Variants in ERBB4 observed in about 807,000 individuals in gnomAD.
The protein encoded by ERBB4 is receptor tyrosine-protein kinase erbB-4.
Under a neutral mutation model 158.0 loss-of-function variants are expected in ERBB4, and 42 were observed. The ratio of observed to expected loss-of-function variants is 0.27; its 90% confidence interval spans 0.21 to 0.34. The LOEUF (loss-of-function observed/expected upper bound fraction) is 0.34. Among genes scored for constraint, ERBB4 ranks in the 10% least tolerant of loss-of-function variants. The pLI, the probability that ERBB4 is intolerant of heterozygous loss-of-function variation, is 1.00. For missense variants in ERBB4, 1,333 were observed against 1,624.1 expected (o/e 0.82, Z 3.08); for synonymous variants, 583 against 558.7 (o/e 1.04, Z -0.61).
chr2:212,114,258 A>T (rs1482394646), intron 2 of ERBB4, among the ~76,000 whole-genome samples: 1 of 152,236 alleles, frequency 6.6e-6, no homozygotes, highest in Non-Finnish European at 1.5e-5. Context: ...TGAAGAAATT[A>T]TTTATGATGG....
At chr2:212,059,699 C>G (rs1442205163) in intron 2 of ERBB4, among the ~76,000 whole-genome samples, 1 of 152,150 alleles carries the variant, frequency 6.6e-6, no homozygotes, top group African/African-American at 2.4e-5. Context: ...GAGAAAGATT[C>G]CCTATTTAAT....
chr2:212,360,340 C>T (rs1379211723), intron 1 of ERBB4, among the ~76,000 whole-genome samples: 1 of 151,590 alleles, frequency 6.6e-6, no homozygotes, highest in Non-Finnish European at 1.5e-5. Flanking sequence ...TACTCCTTGC[C>T]CTTTCCCACA....
At chr2:212,062,594 AG>A (rs1445893792) in intron 2 of ERBB4, among the ~76,000 whole-genome samples, 2 of 151,874 alleles carry the variant, frequency 1.3e-5, no homozygotes, top group Non-Finnish European at 2.9e-5. Flanking sequence ...TTTAGTACAG[AG>A]GGGGTTTCAC....
chr2:212,342,186 A>T (rs1441274701), intron 1 of ERBB4, among the ~76,000 whole-genome samples: 1 of 152,164 alleles, frequency 6.6e-6, no homozygotes, highest in Admixed American at 6.5e-5. Context: ...TATATTAAAG[A>T]ATTAAGAACC....
At chr2:212,524,574 G>C (rs950923570) in intron 1 of ERBB4, among the ~76,000 whole-genome samples, 1 of 151,924 alleles carries the variant, frequency 6.6e-6, no homozygotes, top group African/African-American at 2.4e-5. Context: ...GAACACCCCT[G>C]TCCACATACT....
intron 4 of ERBB4, among the ~76,000 whole-genome samples, chr2:211,773,607 TATATATATA>T (rs2075773656): frequency 4.8e-5 from 1 of 20,954 alleles, no homozygotes; most frequent in African/African-American, 5.7e-4. Flanking sequence ...TTTATATATA[TATATATATA>T]TATATATATA....
At chr2:212,190,430 G>C (rs1044128572) in intron 1 of ERBB4, among the ~76,000 whole-genome samples, 2 of 151,928 alleles carry the variant, frequency 1.3e-5, no homozygotes, top group Non-Finnish European at 1.5e-5. Flanking sequence ...CCAGCTACTC[G>C]GGAGGCTGAG....
chr2:211,379,825 T>A lies in ERBB4; in HGVS notation c.*3790A>T, dbSNP rs2062544742. On this transcript the variant is annotated 3_prime_UTR_variant, in exon 28 of 28. Transcript: ENST00000342788. ...GGTTAGAGAGCTCTAGAAAAACTTG[T>A]ATTTACATCCTTCCCTGTCAGGCTT... 1 of 232,028 alleles carries A rather than the reference T, an allele frequency of 4.3e-6. No homozygotes were observed. Among genetic ancestry groups the A allele is most frequent in the South Asian group, 1.8e-4 (1 of 5,528 alleles). The allele number at this position is 232,028 out of a possible 1,614,324, so 14.4% of individuals were successfully genotyped here. A position where few individuals can be genotyped will look rare whatever the true frequency, so the allele number is the denominator to read the frequency against.
intron 1 of ERBB4, among the ~76,000 whole-genome samples, chr2:212,204,404 T>A (rs1390676077): frequency 6.6e-6 from 1 of 152,142 alleles, no homozygotes; most frequent in African/African-American, 2.4e-5. Flanking sequence ...TCTTAAAATA[T>A]CAGTATTTGT....
intron 1 of ERBB4, among the ~76,000 whole-genome samples, chr2:212,239,881 G>T (rs2084019297): frequency 6.6e-6 from 1 of 152,040 alleles, no homozygotes; most frequent in Non-Finnish European, 1.5e-5. Flanking sequence ...TTTTAGAGGG[G>T]GAAAATCAAG....
chr2:211,824,275 G>A, intron 3 of ERBB4, among the ~76,000 whole-genome samples: 1 of 151,990 alleles, frequency 6.6e-6, no homozygotes, highest in East Asian at 1.9e-4. Flanking sequence ...TCCCCTTAAA[G>A]GACTGCTTAA....
At chr2:212,013,349 T>A (rs1256334385) in intron 2 of ERBB4, among the ~76,000 whole-genome samples, 1 of 152,158 alleles carries the variant, frequency 6.6e-6, no homozygotes, top group African/African-American at 2.4e-5. Flanking sequence ...TTAGTCTAGC[T>A]CCAGAAATAC....
intron 20 of ERBB4, among the ~76,000 whole-genome samples, chr2:211,554,414 C>A (rs944266774): frequency 1.1e-4 from 16 of 152,206 alleles, no homozygotes; most frequent in African/African-American, 2.9e-4. Flanking sequence ...TGGACTCATT[C>A]ATTGTCAATG....
chr2:212,419,558 T>C (rs1337264053), intron 1 of ERBB4, among the ~76,000 whole-genome samples: 3 of 151,914 alleles, frequency 2.0e-5, no homozygotes, highest in Non-Finnish European at 4.4e-5. Context: ...TAAATGTATA[T>C]GCATATATTT....
intron 1 of ERBB4, among the ~76,000 whole-genome samples, chr2:212,202,541 A>T (rs1482396038): frequency 6.6e-6 from 1 of 151,820 alleles, no homozygotes; most frequent in Non-Finnish European, 1.5e-5. Context: ...GGGTCTCGCC[A>T]TGTTGCCCAA....
At chr2:211,399,095 T>G (rs1378562881) in intron 25 of ERBB4, among the ~76,000 whole-genome samples, 1 of 152,226 alleles carries the variant, frequency 6.6e-6, no homozygotes, top group Non-Finnish European at 1.5e-5. Flanking sequence ...CTTGATTACA[T>G]CGTGATCTTA....
At chr2:212,087,542 C>A (rs2078653035) in intron 2 of ERBB4, among the ~76,000 whole-genome samples, 1 of 152,056 alleles carries the variant, frequency 6.6e-6, no homozygotes, top group Non-Finnish European at 1.5e-5. Flanking sequence ...ACAATCCTCA[C>A]CCTGCTGGGT....
intron 10 of ERBB4, among the ~76,000 whole-genome samples, chr2:211,704,585 A>G (rs34447293): frequency 0.13 from 20,214 of 152,218 alleles, 1,527 homozygotes; most frequent in South Asian, 0.2. Context: ...TAGATTTTGC[A>G]TTATTTTACG....
At chr2:211,915,435 T>TTATATATATATATATATATATA (rs1289522405) in intron 3 of ERBB4, among the ~76,000 whole-genome samples, 24 of 135,512 alleles carry the variant, frequency 1.8e-4, no homozygotes, top group Non-Finnish European at 2.0e-4. Context: ...AGTTCAAACA[T>TTATATATATATATATATATATA]TACATATATA....
Sources: allele counts gnomAD v4.1 joint callset (sites outside exome capture counted in the v4.1 genomes callset), GRCh38; gene constraint gnomAD v4.1.1; transcripts MANE v1.5; gene names NCBI Gene and HGNC (gene_info 2026-07-23, HGNC 2026-07-21).